PCGF5: variants seen among roughly 807,000 people sequenced by gnomAD.
PCGF5 encodes the protein polycomb group ring finger 5.
A neutral mutation model predicts 44.3 loss-of-function variants in PCGF5; 9 were observed. That is an observed-to-expected ratio of 0.20 (90% confidence interval 0.12 to 0.35). The LOEUF (loss-of-function observed/expected upper bound fraction) is 0.35. Among genes scored for constraint, PCGF5 ranks in the 10% least tolerant of loss-of-function variants. PCGF5 has a pLI of 1.00. For missense variants in PCGF5, 146 were observed against 305.3 expected, an observed-to-expected ratio of 0.48 and a Z score of 3.89; for synonymous variants, 95 against 102.5, an observed-to-expected ratio of 0.93 and a Z score of 0.44.
chr10:91,221,027 G>A (rs1175547567), intron 1 of PCGF5, among the ~76,000 whole-genome samples, 191 bp downstream of exon 1: 1 of 151,826 alleles, frequency 6.6e-6, no homozygotes, highest in East Asian at 1.9e-4. Flanking sequence ...GGCGGGGAGA[G>A]CGGCCGGCTG....
intron 1 of PCGF5, among the ~76,000 whole-genome samples, chr10:91,201,077 A>C (rs1310066337): frequency 1.3e-5 from 2 of 152,116 alleles, no homozygotes; most frequent in African/African-American, 4.8e-5. Context: ...AAGTGAGAAG[A>C]GCTGCCCACT....
At chr10:91,189,713 G>A (rs887421018) in intron 1 of PCGF5, among the ~76,000 whole-genome samples, 2 of 152,128 alleles carry the variant, frequency 1.3e-5, no homozygotes, top group Non-Finnish European at 2.9e-5. Context: ...CAATGCATGG[G>A]GTTTATCTGT....
chr10:91,181,330 A>G (rs190119290), intron 1 of PCGF5, among the ~76,000 whole-genome samples: 1 of 152,244 alleles, frequency 6.6e-6, no homozygotes, highest in Admixed American at 6.5e-5. Flanking sequence ...CTCTTTTCCT[A>G]TTTGAATGCA....
intron 1 of PCGF5, among the ~76,000 whole-genome samples, chr10:91,182,415 C>A (rs1844050302): frequency 6.6e-6 from 1 of 152,036 alleles, no homozygotes; most frequent in African/African-American, 2.4e-5. Flanking sequence ...CCCTCCTTAT[C>A]ATTTCTGATT....
At chr10:91,216,219 G>A (rs1230217278), upstream of PCGF5, among the ~76,000 whole-genome samples, 1 of 152,212 alleles carries the variant, frequency 6.6e-6, no homozygotes, top group East Asian at 1.9e-4. Flanking sequence ...TGGTCTGTGT[G>A]TATACAGGAG....
chr10:91,192,858 A>G (rs1342050180), intron 1 of PCGF5, among the ~76,000 whole-genome samples: 1 of 152,164 alleles, frequency 6.6e-6, no homozygotes, highest in East Asian at 1.9e-4. Context: ...GTGACCCCTA[A>G]AAGTCCATAC....
chr10:91,194,702 G>A (rs1322473723), intron 1 of PCGF5, among the ~76,000 whole-genome samples: 1 of 152,158 alleles, frequency 6.6e-6, no homozygotes, highest in East Asian at 1.9e-4. Flanking sequence ...GCATAGAGAT[G>A]GTTTAAAGCC....
intron 6 of PCGF5, among the ~76,000 whole-genome samples, chr10:91,252,164 T>A (rs1348558730): frequency 6.6e-6 from 1 of 152,072 alleles, no homozygotes; most frequent in African/African-American, 2.4e-5. Flanking sequence ...CTACTTCAGC[T>A]GTTAGATTTT....
chr10:91,249,365 T>A (rs2133374299), intron 5 of PCGF5, among the ~76,000 whole-genome samples: 1 of 132,546 alleles, frequency 7.5e-6, no homozygotes, highest in South Asian at 2.4e-4. Context: ...ATAAAAGGCT[T>A]TTAGTGTATA....
chr10:91,202,387 A>G (rs780652644), intron 1 of PCGF5, among the ~76,000 whole-genome samples: 7 of 152,240 alleles, frequency 4.6e-5, no homozygotes, highest in Non-Finnish European at 8.8e-5. Flanking sequence ...CACCATTGTG[A>G]CCTTGAGAGA....
chr10:91,229,511 G>T (rs760984694), intron 2 of PCGF5, among the ~76,000 whole-genome samples: 5 of 152,108 alleles, frequency 3.3e-5, no homozygotes, highest in Non-Finnish European at 5.9e-5. Flanking sequence ...CTAGAGCTGA[G>T]TTCTGAATCC....
intron 7 of PCGF5, 81 bp from the exon 8 acceptor site, chr10:91,264,349 AT>A (rs1845997582): frequency 1.5e-5 from 16 of 1,072,968 alleles, no homozygotes; most frequent in Admixed American, 2.3e-5. Context: ...CTATTTGAAT[AT>A]TTTTTGAAAT....
At position 91,239,957 on chromosome 10, in the gene PCGF5, A is replaced by G. The variant is rs567749159; in HGVS notation, c.113-527A>G. On this transcript the variant is annotated intron_variant, in intron 2 of 9. Coordinates refer to ENST00000336126, the MANE Select transcript of PCGF5 (RefSeq NM_032373.5). ...CGTGCTCCATGGAATTATAGTACCT[A>G]TGAGCAGAAACTCATTACACCCTGC... Among the ~76,000 whole-genome samples the G allele has an allele frequency of 7.9e-5, 12 of 152,292 alleles. No homozygotes were observed. In the South Asian group the frequency reaches 2.5e-3, roughly 32 times the overall value.
intron 2 of PCGF5, among the ~76,000 whole-genome samples, chr10:91,235,535 C>T (rs1160788741): frequency 6.6e-6 from 1 of 151,900 alleles, no homozygotes; most frequent in African/African-American, 2.4e-5. Flanking sequence ...AAGATCCTGT[C>T]TCTACAAAAA....
At chr10:91,173,150 T>C (rs1263615749) in intron 1 of PCGF5, among the ~76,000 whole-genome samples, 1 of 152,252 alleles carries the variant, frequency 6.6e-6, no homozygotes, top group Non-Finnish European at 1.5e-5. Context: ...TTATCACTAT[T>C]ACCATATGGG....
intron 1 of PCGF5, among the ~76,000 whole-genome samples, chr10:91,188,271 A>G (rs1255221130): frequency 1.3e-5 from 2 of 152,106 alleles, no homozygotes; most frequent in Non-Finnish European, 2.9e-5. Flanking sequence ...TCACTCGGGA[A>G]GCGCAAGGGG....
intron 1 of PCGF5, among the ~76,000 whole-genome samples, chr10:91,164,406 A>G (rs564676666): frequency 6.6e-6 from 1 of 152,190 alleles, no homozygotes; most frequent in African/African-American, 2.4e-5. Context: ...GGCTACATTA[A>G]CCGGTTGAGG....
In PCGF5 at chr10:91,248,577, G is replaced by C. The variant is rs182631981; in HGVS notation, c.265+17G>C. On this transcript the variant is annotated intron_variant, in intron 4 of 9. Coordinates refer to ENST00000336126, the MANE Select transcript of PCGF5 (RefSeq NM_032373.5). ...TACGAGAACGTAAGTGGCTCTTTAG[G>C]TTCTTGCAGACTTTTGTGTTTTATG... 9 of 1,611,034 alleles carry C rather than the reference G, an allele frequency of 5.6e-6. No individual in the cohort carries two copies. The East Asian group carries it at 1.8e-4, about 32-fold the overall frequency.
intron 9 of PCGF5, among the ~76,000 whole-genome samples, chr10:91,277,332 G>A (rs1344077263): frequency 6.6e-6 from 1 of 152,196 alleles, no homozygotes; most frequent in Non-Finnish European, 1.5e-5. Context: ...TGTATACCAA[G>A]ATGGAGAAAC....
Sources: gnomAD v4.1 joint callset for allele counts (sites outside exome capture counted in the v4.1 genomes callset) on GRCh38, gnomAD v4.1.1 for gene constraint, MANE v1.5 for transcripts, NCBI Gene and HGNC (gene_info 2026-07-23, HGNC 2026-07-21) for gene names.